Variants in ZMYM6 observed in about 807,000 individuals in gnomAD.
ZMYM6 encodes zinc finger MYM-type protein 6.
A neutral mutation model predicts 134.0 loss-of-function variants in ZMYM6; 90 were observed. The observed-to-expected ratio is 0.67, with a 90% CI of 0.57 to 0.80. The LOEUF (loss-of-function observed/expected upper bound fraction) is 0.80, where lower values mean the gene tolerates loss of function less well. Ranked by LOEUF, ZMYM6 falls within the 30% of genes least tolerant of loss-of-function variation. The pLI, the probability that ZMYM6 is intolerant of heterozygous loss-of-function variation, is 0.00. For synonymous variants in ZMYM6, 481 were observed against 524.1 expected (o/e 0.92, Z 1.12); for missense variants, 1,362 against 1,533.9 (o/e 0.89, Z 1.87).
chr1:34,998,364 T>G (rs1400176120), intron 14 of ZMYM6, among the ~76,000 whole-genome samples: 2 of 152,222 alleles, frequency 1.3e-5, no homozygotes, highest in African/African-American at 2.4e-5. Context: ...TTTAACTACG[T>G]AGCTTTATAT....
intron 15 of ZMYM6, 97 bp from the exon 16 acceptor site, chr1:34,989,032 A>G (rs754257942): frequency 1.6e-5 from 24 of 1,510,592 alleles, no homozygotes; most frequent in Non-Finnish European, 6.1e-6. Flanking sequence ...TTTTGTTACT[A>G]TTTCTATTTA....
chr1:35,028,430 T>C (rs374447074), intron 2 of ZMYM6, among the ~76,000 whole-genome samples: 1 of 152,096 alleles, frequency 6.6e-6, no homozygotes, highest in Admixed American at 6.5e-5. Flanking sequence ...TAACTTTGAG[T>C]GTAAAGCGAA....
intron 14 of ZMYM6, among the ~76,000 whole-genome samples, chr1:34,998,265 G>A (rs759632073): frequency 1.4e-4 from 21 of 152,096 alleles, no homozygotes; most frequent in African/African-American, 2.7e-4. Context: ...GCAAGACTCC[G>A]TCTCAAAAAT....
In ZMYM6 at chr1:35,014,706, T is replaced by C. The variant is rs912907531; in HGVS notation, c.786A>G (p.Ala262=). The C allele has an allele frequency of 5.0e-6, 8 of 1,613,642 alleles. No homozygotes were observed. The highest frequency in any genetic ancestry group is 6.8e-6 in the Non-Finnish European group (8 of 1,179,780). The change falls in exon 6 of 16, where the codon GCA becomes GCG. Residue 262 remains alanine, a synonymous_variant. Coordinates refer to ENST00000357182, the MANE Select transcript of ZMYM6 (RefSeq NM_007167.4). ...AAATAGATATTCATACCTGCTTGTA[T>C]GCCGTGACACTTGTTGAACTAAAAA... The part of the protein sequence containing the change: ...QKVFSSTSVT[A]YKQNSAQIPP...
intron 2 of ZMYM6, among the ~76,000 whole-genome samples, chr1:35,024,798 AT>A (rs1270704275): frequency 6.6e-6 from 1 of 151,918 alleles, no homozygotes; most frequent in African/African-American, 2.4e-5. Flanking sequence ...TCCCATATAG[AT>A]TTAGGGCTCC....
In ZMYM6 at chr1:35,010,595, A is replaced by G; in HGVS notation, c.1344T>C (p.Gly448=). The G allele has an allele frequency of 6.2e-7, 1 of 1,608,592 alleles. No individual in the cohort carries two copies. The highest frequency in any genetic ancestry group is 8.5e-7 in the Non-Finnish European group (1 of 1,178,540). Residue 448 remains glycine (G), a splice_region_variant and synonymous_variant, in exon 10 of 16, where the codon GGT becomes GGC. Transcript: ENST00000357182. ...ATKPELLFYK[G]KMFLFCGKNC... ...TCTTGCCACAAAACAGAAACATTTT[A>G]CCCTGCAGAGAAACAACAGTCCATT... is the stretch of plus-strand genomic sequence containing the variant.
rs371618998 is a variant in ZMYM6 at position 34,987,294 on chromosome 1, C to A, written c.3788G>T (p.Ser1263Ile). The change falls in exon 16 of 16, where the codon AGT becomes ATT. Residue 1263 changes from serine (S) to isoleucine (I), a missense_variant. Ser to Ile is a moderately radical substitution (Grantham distance 142, BLOSUM62 -2). This residue lies in a region of ZMYM6 where 824 missense variants were observed against 940.9 expected (regional missense o/e 0.88). Transcript: ENST00000357182. ...TGCCCTTTCATGGAGTTCTGGGTAA[C>A]TTGTCTTTGCATTTATCCAAAACTG... ...VTQFWINAKTSYPELHERAMK... is the reference protein window; with the variant it reads ...VTQFWINAKTIYPELHERAMK... The A allele has an allele frequency of 6.2e-6, 10 of 1,612,096 alleles. No homozygotes were observed. The highest frequency in any genetic ancestry group is 2.7e-5 in the African/African-American group (2 of 74,830).
At chr1:34,990,233 C>A in intron 15 of ZMYM6, 1 of 219,264 alleles carries the variant, frequency 4.6e-6, no homozygotes, top group Admixed American at 4.0e-5. Flanking sequence ...GTAATCCCAG[C>A]ACTTTGGGAG....
intron 10 of ZMYM6, 81 bp from the exon 11 acceptor site, chr1:35,009,005 T>C: frequency 3.5e-6 from 5 of 1,422,196 alleles, no homozygotes; most frequent in Non-Finnish European, 2.8e-6. Flanking sequence ...TGGTCTTAGA[T>C]ATGAAACTTT....
intron 14 of ZMYM6, among the ~76,000 whole-genome samples, chr1:34,999,268 G>A (rs1428905916): frequency 6.6e-6 from 1 of 152,092 alleles, no homozygotes; most frequent in Non-Finnish European, 1.5e-5. Context: ...ACCAGATTTG[G>A]CAATATAAAG....
intron 11 of ZMYM6, among the ~76,000 whole-genome samples, chr1:35,007,503 G>A (rs767901650): frequency 3.9e-5 from 6 of 151,950 alleles, no homozygotes; most frequent in African/African-American, 7.3e-5. Flanking sequence ...TAAGATAATC[G>A]CTTGAATCCA....
rs919261050 is a variant in ZMYM6 at position 35,025,483 on chromosome 1, A to G, written c.94-5016T>C. Among the ~76,000 whole-genome samples the G allele has an allele frequency of 1.6e-3, 241 of 151,116 alleles. 2 individuals are homozygous for G. Among genetic ancestry groups the G allele is most frequent in the Middle Eastern group, 3.4e-3 (1 of 292 alleles). ...CTCCATCCCAAAAAAAAAAAAAAAA[A>G]AAAAAGAAAGAAAAAAAAAAGGTGG... On this transcript the variant is annotated intron_variant, in intron 2 of 15. Transcript: ENST00000357182.
At chr1:35,030,388 TC>T (rs551196234) in intron 2 of ZMYM6, 158 bp downstream of exon 2, 227 of 650,126 alleles carry the variant, frequency 3.5e-4, no homozygotes, top group Non-Finnish European at 5.1e-4. Context: ...GCTAAGGAGA[TC>T]GCACCACTGC....
At chr1:35,025,466 C>CAAAAAAAAAAAAAAAAAA (rs1161814959) in intron 2 of ZMYM6, among the ~76,000 whole-genome samples, 10 of 54,992 alleles carry the variant, frequency 1.8e-4, no homozygotes, top group East Asian at 4.7e-4. Flanking sequence ...GACTCCATCC[C>CAAAAAAAAAAAAAAAAAA]AAAAAAAAAA....
rs1299388736 is a variant in ZMYM6, at chr1:35,005,248, G to A, written c.1838C>T (p.Ala613Val). 6.2e-7 allele frequency: 1 copy of A among 1,614,000 alleles called. No homozygotes were observed. The highest frequency in any genetic ancestry group is 1.3e-5 in the African/African-American group (1 of 75,028). ...NKVNISKAKTAVTELPSARTD... is the reference protein window; with the variant it reads ...NKVNISKAKTVVTELPSARTD... ...CCTTGCAGAAGGGAGCTCCGTCACAGCAGTTTTTGCTTTAGAAATATTTAC... is the reference window on the plus strand; with the variant it reads ...CCTTGCAGAAGGGAGCTCCGTCACAACAGTTTTTGCTTTAGAAATATTTAC... The change falls in exon 13 of 16, where the codon GCT (alanine) becomes GTT (valine). Residue 613 changes from alanine (A) to valine (V), a missense_variant. Physicochemically the swap from Ala to Val is moderately conservative, Grantham distance 64. Transcript: ENST00000357182.
At chr1:34,998,497 A>G (rs375369575) in intron 14 of ZMYM6, among the ~76,000 whole-genome samples, 1 of 152,178 alleles carries the variant, frequency 6.6e-6, no homozygotes, top group Non-Finnish European at 1.5e-5. Flanking sequence ...TTTTTAAAAG[A>G]TCATTCTGGT....
chr1:35,030,424 G>A (rs1641499696), intron 2 of ZMYM6, 123 bp downstream of exon 2: 2 of 854,746 alleles, frequency 2.3e-6, no homozygotes, highest in Admixed American at 5.5e-5. Flanking sequence ...GACAGCGAGA[G>A]CCTGTCTCAG....
rs969834287 is a variant in ZMYM6, at chr1:34,999,557, C to T, written c.1992+4411G>A. 2.0e-5 allele frequency among the ~76,000 whole-genome samples: 3 copies of T among 151,770 alleles called. No individual in the cohort carries two copies. The East Asian group carries it at 5.8e-4, about 29-fold the overall frequency. On this transcript the variant is annotated intron_variant, in intron 14 of 15. Transcript: ENST00000357182. ...GGGGAAAATCCAGATTACAGAGAGA[C>T]CACCTAAAAATCATTAAGAAAAAGA...
intron 13 of ZMYM6, among the ~76,000 whole-genome samples, chr1:35,004,391 C>T (rs555840604): frequency 6.6e-6 from 1 of 152,250 alleles, no homozygotes; most frequent in East Asian, 1.9e-4. Flanking sequence ...GAGGCCAAGG[C>T]GGGAGGCCAG....
Sources: allele counts gnomAD v4.1 joint callset (sites outside exome capture counted in the v4.1 genomes callset), GRCh38; gene constraint gnomAD v4.1.1; regional missense constraint gnomAD v4.1.1; transcripts MANE v1.5; gene names NCBI Gene and HGNC (gene_info 2026-07-23, HGNC 2026-07-21).